Variants in LRRTM3 observed in about 807,000 individuals in gnomAD.
The protein encoded by LRRTM3 is leucine-rich repeat transmembrane neuronal protein 3.
LRRTM3 carries 24 observed loss-of-function variants against 44.7 expected under a neutral mutation model. The observed-to-expected ratio is 0.54, with a 90% CI of 0.39 to 0.76. LRRTM3 has a LOEUF of 0.76. Among genes scored for constraint, LRRTM3 ranks in the 30% least tolerant of loss-of-function variants. LRRTM3 has a pLI of 0.00. For synonymous variants in LRRTM3, 277 were observed against 278.7 expected (o/e 0.99, Z 0.06); for missense variants, 587 against 702.2 (o/e 0.84, Z 1.85).
At chr10:67,065,261 C>T (rs181607788) in intron 2 of LRRTM3, among the ~76,000 whole-genome samples, 1 of 152,226 alleles carries the variant, frequency 6.6e-6, no homozygotes, top group Non-Finnish European at 1.5e-5. Context: ...TGGCCTTGGG[C>T]AACTCCTTTG....
intron 2 of LRRTM3, among the ~76,000 whole-genome samples, chr10:66,980,436 T>C (rs747238617): frequency 6.9e-6 from 1 of 145,130 alleles, no homozygotes; most frequent in Non-Finnish European, 1.5e-5. Context: ...CTGCCACAGC[T>C]GTCACTGGCC....
At chr10:66,967,307 T>G (rs112787444) in intron 2 of LRRTM3, among the ~76,000 whole-genome samples, 1 of 150,936 alleles carries the variant, frequency 6.6e-6, no homozygotes, top group East Asian at 1.9e-4. Context: ...GATATAGGTA[T>G]AGATAGATAT....
At chr10:67,088,883 A>G (rs1857458638) in intron 2 of LRRTM3, among the ~76,000 whole-genome samples, 2 of 152,082 alleles carry the variant, frequency 1.3e-5, no homozygotes, top group Non-Finnish European at 2.9e-5. Flanking sequence ...CCATAAACTC[A>G]ACTAACTGCA....
At chr10:67,013,236 C>G (rs574790955) in intron 2 of LRRTM3, among the ~76,000 whole-genome samples, 2 of 151,594 alleles carry the variant, frequency 1.3e-5, no homozygotes, top group East Asian at 3.9e-4. Flanking sequence ...GTCCTTAATA[C>G]TCTATTAAGT....
intron 2 of LRRTM3, among the ~76,000 whole-genome samples, chr10:67,028,039 C>A (rs757934825): frequency 6.6e-6 from 1 of 152,000 alleles, no homozygotes; most frequent in African/African-American, 2.4e-5. Context: ...TGAAAAAGAC[C>A]AGCTGAAGTT....
At chr10:67,043,849 T>G (rs1473091454) in intron 2 of LRRTM3, among the ~76,000 whole-genome samples, 1 of 151,816 alleles carries the variant, frequency 6.6e-6, no homozygotes, top group Admixed American at 6.6e-5. Flanking sequence ...TTTTTTTCTG[T>G]TTACTTCTAT....
intron 2 of LRRTM3, chr10:67,013,033 T>C (rs984329872): frequency 5.9e-5 from 9 of 152,188 alleles, no homozygotes; most frequent in Non-Finnish European, 2.9e-5. Flanking sequence ...CTAGGTAATA[T>C]TCTTTAAGCA....
rs1379679230 is a variant in LRRTM3 at position 67,025,146 on chromosome 10, AAG to A, written c.1537-72439_1537-72438del. ...AACTCTGTCAAAAACAAAAAAAAAA[AAG>A]AAAGAAAGGAAGGAAGGAAGGAAGG... is the stretch of plus-strand genomic sequence containing the variant. On this transcript the variant is annotated intron_variant, in intron 2 of 2. Coordinates refer to ENST00000361320, the MANE Select transcript of LRRTM3 (RefSeq NM_178011.5). 5.8e-3 allele frequency among the ~76,000 whole-genome samples: 871 copies of A among 150,668 alleles called. 13 individuals carry two copies. The highest frequency in any genetic ancestry group is 0.021 in the African/African-American group (838 of 40,650).
intron 2 of LRRTM3, among the ~76,000 whole-genome samples, chr10:66,983,460 C>T (rs1168094581): frequency 1.3e-5 from 2 of 151,076 alleles, no homozygotes; most frequent in African/African-American, 5.0e-5. Context: ...ACAAGAAACC[C>T]ACCTAACCAA....
intron 2 of LRRTM3, among the ~76,000 whole-genome samples, chr10:67,065,333 A>C (rs1046801539): frequency 5.3e-5 from 8 of 152,218 alleles, no homozygotes; most frequent in Admixed American, 1.3e-4. Flanking sequence ...GAGTTGTGAT[A>C]ACAATAAAAA....
rs929835075 is a variant in LRRTM3 at position 67,038,620 on chromosome 10, T to C, written c.1537-58967T>C. 6.6e-5 allele frequency among the ~76,000 whole-genome samples: 10 copies of C among 152,222 alleles called. No individual in the cohort carries two copies. The South Asian group carries it at 1.2e-3, about 19-fold the overall frequency. On this transcript the variant is annotated intron_variant, in intron 2 of 2. Coordinates refer to ENST00000361320, the MANE Select transcript of LRRTM3 (RefSeq NM_178011.5). ...GTGCATAATAGCAGCTAGTATATTT[T>C]TGTTATCTGGTCTTTCAACCAAGTA...
At chr10:67,086,930 T>C (rs1313243789) in intron 2 of LRRTM3, among the ~76,000 whole-genome samples, 1 of 151,974 alleles carries the variant, frequency 6.6e-6, no homozygotes, top group Non-Finnish European at 1.5e-5. Flanking sequence ...TGGACTGTTG[T>C]GACTACAATT....
chr10:66,941,539 A>C (rs187026039), intron 2 of LRRTM3, among the ~76,000 whole-genome samples: 490 of 152,268 alleles, frequency 3.2e-3, no homozygotes, highest in Non-Finnish European at 4.6e-3. Context: ...AATCTGACAA[A>C]CAACCTGTCT....
intron 2 of LRRTM3, among the ~76,000 whole-genome samples, chr10:67,026,197 A>G (rs1853376973): frequency 6.6e-6 from 1 of 151,708 alleles, no homozygotes; most frequent in African/African-American, 2.4e-5. Context: ...AGCATGGCAC[A>G]TGTATACATA....
At chr10:66,978,939 C>T (rs1474586482) in intron 2 of LRRTM3, among the ~76,000 whole-genome samples, 2 of 149,736 alleles carry the variant, frequency 1.3e-5, no homozygotes, top group Non-Finnish European at 3.0e-5. Context: ...GTTAAATAGC[C>T]ACTCCTCACA....
At chr10:66,956,245 T>A (rs1009356102) in intron 2 of LRRTM3, among the ~76,000 whole-genome samples, 1 of 151,238 alleles carries the variant, frequency 6.6e-6, no homozygotes, top group African/African-American at 2.4e-5. Flanking sequence ...AAATCTAGGA[T>A]GCGTTTCAAT....
At chr10:66,992,560 A>G (rs1379354398) in intron 2 of LRRTM3, among the ~76,000 whole-genome samples, 1 of 152,054 alleles carries the variant, frequency 6.6e-6, no homozygotes, top group African/African-American at 2.4e-5. Context: ...GGCAACAGAA[A>G]TTTAAATTCT....
At chr10:67,090,414 T>C (rs1857562164) in intron 2 of LRRTM3, among the ~76,000 whole-genome samples, 1 of 152,082 alleles carries the variant, frequency 6.6e-6, no homozygotes. Flanking sequence ...AAGAGCTAAA[T>C]GTTGAGAATT....
chr10:67,005,680 A>ATTTTTTTTTTTTTTTTTT (rs1564825972), intron 2 of LRRTM3, among the ~76,000 whole-genome samples: 1 of 26,372 alleles, frequency 3.8e-5, no homozygotes, highest in Non-Finnish European at 1.1e-4. Flanking sequence ...ATTTTACTCC[A>ATTTTTTTTTTTTTTTTTT]TCTTTTTTTT....
Sources: gnomAD v4.1 joint callset for allele counts (sites outside exome capture counted in the v4.1 genomes callset) on GRCh38, gnomAD v4.1.1 for gene constraint, MANE v1.5 for transcripts, NCBI Gene and HGNC (gene_info 2026-07-23, HGNC 2026-07-21) for gene names.